Variants in KCTD16 observed in about 807,000 individuals in gnomAD.
The protein encoded by KCTD16 is BTB/POZ domain-containing protein KCTD16.
Under a neutral mutation model 33.2 loss-of-function variants are expected in KCTD16, and 13 were observed. The observed-to-expected ratio is 0.39, with a 90% CI of 0.25 to 0.62. The LOEUF is 0.62. Ranked by LOEUF, KCTD16 falls within the 20% of genes least tolerant of loss-of-function variation. The pLI, the probability that KCTD16 is intolerant of heterozygous loss-of-function variation, is 0.50. For missense variants in KCTD16, 441 were observed against 525.1 expected (o/e 0.84, Z 1.57); for synonymous variants, 197 against 195.3 (o/e 1.01, Z -0.07).
intron 3 of KCTD16, 78 bp from the exon 4 acceptor site, chr5:144,473,582 T>C: frequency 7.8e-7 from 1 of 1,279,546 alleles, no homozygotes; most frequent in Non-Finnish European, 1.1e-6. Context: ...TGTGTTTCTG[T>C]GTATGTCCAA....
chr5:144,332,214 G>A (rs1220504945), intron 3 of KCTD16, among the ~76,000 whole-genome samples: 1 of 152,186 alleles, frequency 6.6e-6, no homozygotes, highest in Admixed American at 6.5e-5. Flanking sequence ...AAGTTAGAAA[G>A]TAGATGCACA....
intron 3 of KCTD16, among the ~76,000 whole-genome samples, chr5:144,294,797 G>C (rs941708102): frequency 6.6e-6 from 1 of 152,136 alleles, no homozygotes; most frequent in Non-Finnish European, 1.5e-5. Context: ...AGTAACGGTT[G>C]TCCCTTCATT....
At chr5:144,340,321 G>A (rs896411734) in intron 3 of KCTD16, among the ~76,000 whole-genome samples, 2 of 149,152 alleles carry the variant, frequency 1.3e-5, no homozygotes, top group African/African-American at 5.0e-5. Flanking sequence ...AGAATGGCGT[G>A]AACCCGGGAG....
chr5:144,419,934 T>C (rs1753171577), intron 3 of KCTD16, among the ~76,000 whole-genome samples: 1 of 152,104 alleles, frequency 6.6e-6, no homozygotes, highest in Admixed American at 6.6e-5. Context: ...AGTCAGAAGC[T>C]CTCGGTAAGA....
intron 3 of KCTD16, among the ~76,000 whole-genome samples, chr5:144,279,773 TA>T (rs1157227036): frequency 6.6e-6 from 1 of 152,250 alleles, no homozygotes; most frequent in Non-Finnish European, 1.5e-5. Context: ...TCCTACTTCT[TA>T]ACATTATTGC....
At chr5:144,250,120 T>C (rs1257894935) in intron 3 of KCTD16, among the ~76,000 whole-genome samples, 2 of 152,208 alleles carry the variant, frequency 1.3e-5, no homozygotes, top group Non-Finnish European at 2.9e-5. Flanking sequence ...TTCACATTTT[T>C]ACCAAATTTT....
At chr5:144,339,756 A>G (rs1489907756) in intron 3 of KCTD16, among the ~76,000 whole-genome samples, 2 of 151,966 alleles carry the variant, frequency 1.3e-5, no homozygotes, top group East Asian at 1.9e-4. Context: ...CCTTCCACAA[A>G]TATTTGTTGT....
At chr5:144,292,291 CT>C (rs1755915437) in intron 3 of KCTD16, among the ~76,000 whole-genome samples, 1 of 152,092 alleles carries the variant, frequency 6.6e-6, no homozygotes, top group Non-Finnish European at 1.5e-5. Context: ...GAATGGAGGA[CT>C]GAGTAACCCA....
chr5:144,407,446 A>C (rs1376001043), intron 3 of KCTD16, among the ~76,000 whole-genome samples: 2 of 151,926 alleles, frequency 1.3e-5, no homozygotes, highest in Non-Finnish European at 2.9e-5. Flanking sequence ...ATTGCAATAT[A>C]ATGGGGGTTT....
chr5:144,353,406 G>A (rs1751492055), intron 3 of KCTD16, among the ~76,000 whole-genome samples: 2 of 152,148 alleles, frequency 1.3e-5, no homozygotes, highest in South Asian at 4.2e-4. Context: ...CTCTGAGGTG[G>A]CAGAGATGGG....
intron 3 of KCTD16, among the ~76,000 whole-genome samples, chr5:144,369,096 A>C (rs1360077475): frequency 6.6e-6 from 1 of 151,988 alleles, no homozygotes; most frequent in Non-Finnish European, 1.5e-5. Flanking sequence ...GCTTTGTGTG[A>C]GAGAGAAAAG....
At chr5:144,472,356 T>G (rs1241731013) in intron 3 of KCTD16, among the ~76,000 whole-genome samples, 1 of 152,262 alleles carries the variant, frequency 6.6e-6, no homozygotes, top group East Asian at 1.9e-4. Context: ...AGTGATTTAT[T>G]TTTAGGAAGT....
At chr5:144,197,071 A>G (rs1211645150) in intron 2 of KCTD16, among the ~76,000 whole-genome samples, 1 of 152,212 alleles carries the variant, frequency 6.6e-6, no homozygotes. Flanking sequence ...TCCATAACCC[A>G]TCCTACACAC....
At chr5:144,371,607 G>C (rs116004725) in intron 3 of KCTD16, among the ~76,000 whole-genome samples, 41 of 152,272 alleles carry the variant, frequency 2.7e-4, no homozygotes, top group African/African-American at 9.6e-4. Context: ...ATATCACTAA[G>C]TAGAAATGAT....
At chr5:144,373,690 G>T (rs1337706784) in intron 3 of KCTD16, among the ~76,000 whole-genome samples, 2 of 152,188 alleles carry the variant, frequency 1.3e-5, no homozygotes, top group African/African-American at 2.4e-5. Flanking sequence ...ATAGATGAGA[G>T]AAATCTTGTA....
rs557770299 is a variant in KCTD16, at chr5:144,344,882, G to A, written c.833-128778G>A. ...ATATACCCAAAGGACTATAAATCAT[G>A]CTGCTATAAAGAGACATGCACACGT... On this transcript the variant is annotated intron_variant, in intron 3 of 3. Coordinates refer to ENST00000512467, the MANE Select transcript of KCTD16 (RefSeq NM_020768.4). Among the ~76,000 whole-genome samples, 688 of 151,626 alleles carry A rather than the reference G, an allele frequency of 4.5e-3. 9 individuals are homozygous for A. Among genetic ancestry groups the A allele is most frequent in the African/African-American group, 0.016 (669 of 41,338 alleles).
intron 3 of KCTD16, among the ~76,000 whole-genome samples, chr5:144,317,852 C>T (rs1014886988): frequency 9.2e-5 from 14 of 152,184 alleles, no homozygotes; most frequent in African/African-American, 2.2e-4. Flanking sequence ...TTTGCAATTA[C>T]GTTTTTACCT....
At chr5:144,344,339 A>G (rs1752725944) in intron 3 of KCTD16, among the ~76,000 whole-genome samples, 1 of 146,530 alleles carries the variant, frequency 6.8e-6, no homozygotes, top group African/African-American at 2.6e-5. Context: ...CAATGGCAAC[A>G]AAAGCCAAAA....
chr5:144,220,726 G>C (rs1294680212), intron 3 of KCTD16, among the ~76,000 whole-genome samples: 1 of 152,170 alleles, frequency 6.6e-6, no homozygotes, highest in Non-Finnish European at 1.5e-5. Flanking sequence ...TGGATCACTA[G>C]GTCAGGAGAT....
Sources: gnomAD v4.1 joint callset for allele counts (sites outside exome capture counted in the v4.1 genomes callset) on GRCh38, gnomAD v4.1.1 for gene constraint, MANE v1.5 for transcripts, NCBI Gene and HGNC (gene_info 2026-07-23, HGNC 2026-07-21) for gene names.